Variants in KSR2 observed in about 807,000 individuals in gnomAD.
KSR2 encodes kinase suppressor of ras 2.
Under a neutral mutation model 107.8 loss-of-function variants are expected in KSR2, and 25 were observed. The observed-to-expected ratio is 0.23, with a 90% CI of 0.17 to 0.32. The LOEUF is 0.32. Ranked by LOEUF, KSR2 falls within the 10% of genes least tolerant of loss-of-function variation. KSR2 has a pLI of 1.00. For missense variants in KSR2, 887 were observed against 1,268.9 expected (o/e 0.70, Z 4.57); for synonymous variants, 480 against 507.0 (o/e 0.95, Z 0.71).
chr12:117,663,898 G>T (rs1884541851), intron 5 of KSR2, among the ~76,000 whole-genome samples: 1 of 152,176 alleles, frequency 6.6e-6, no homozygotes, highest in Non-Finnish European at 1.5e-5. Context: ...GAGCACCTAA[G>T]CAAACCACCA....
chr12:117,810,816 G>T (rs1457505458), intron 3 of KSR2, among the ~76,000 whole-genome samples: 1 of 151,990 alleles, frequency 6.6e-6, no homozygotes, highest in Admixed American at 6.6e-5. Flanking sequence ...GTTATTTTTG[G>T]TTCCTTTTAG....
intron 1 of KSR2, among the ~76,000 whole-genome samples, chr12:117,862,306 G>A (rs1400031467): frequency 3.9e-5 from 6 of 152,128 alleles, no homozygotes; most frequent in Non-Finnish European, 5.9e-5. Flanking sequence ...GTATGGAGGT[G>A]TCTGTGGCAT....
At chr12:117,582,208 C>T in intron 6 of KSR2, 82 bp downstream of exon 6, 1 of 1,190,782 alleles carries the variant, frequency 8.4e-7, no homozygotes, top group Non-Finnish European at 1.2e-6. Context: ...CTAGCCTTCT[C>T]TCACCCCAGG....
At chr12:117,663,312 C>T (rs192726988) in intron 5 of KSR2, among the ~76,000 whole-genome samples, 1 of 152,208 alleles carries the variant, frequency 6.6e-6, no homozygotes, top group African/African-American at 2.4e-5. Flanking sequence ...TGCTTAAACT[C>T]TCTCAACCCC....
intron 4 of KSR2, among the ~76,000 whole-genome samples, chr12:117,687,571 C>T (rs1307345802): frequency 2.0e-5 from 3 of 152,102 alleles, no homozygotes; most frequent in East Asian, 1.9e-4. Context: ...CCTGCTCAGC[C>T]GGACTCAGGC....
intron 1 of KSR2, among the ~76,000 whole-genome samples, chr12:117,910,093 T>C (rs1251762930): frequency 6.6e-6 from 1 of 151,850 alleles, no homozygotes; most frequent in Non-Finnish European, 1.5e-5. Context: ...TAGCCAGGCA[T>C]GGTGGTGTGT....
At chr12:117,768,876 A>G (rs1159474262) in intron 3 of KSR2, among the ~76,000 whole-genome samples, 4 of 152,256 alleles carry the variant, frequency 2.6e-5, no homozygotes, top group Non-Finnish European at 5.9e-5. Flanking sequence ...GAGGCCACAG[A>G]GCCTTGTCCA....
chr12:117,725,084 T>TCTCACA (rs1468780403), intron 4 of KSR2, among the ~76,000 whole-genome samples: 1,569 of 121,546 alleles, frequency 0.013, 33 homozygotes, highest in African/African-American at 0.045. Flanking sequence ...TCTCTCTCTC[T>TCTCACA]CACACACACA....
chr12:117,615,963 G>C (rs912861703), intron 5 of KSR2, among the ~76,000 whole-genome samples: 2 of 152,018 alleles, frequency 1.3e-5, no homozygotes. Context: ...GACCACCCTG[G>C]GCAATATGGT....
intron 3 of KSR2, among the ~76,000 whole-genome samples, chr12:117,783,648 C>T (rs1889961654): frequency 6.6e-6 from 1 of 152,226 alleles, no homozygotes; most frequent in African/African-American, 2.4e-5. Flanking sequence ...GGGGAGTCCA[C>T]ATCTGAAGCA....
chr12:117,559,534 A>G (rs1877960260), intron 7 of KSR2, among the ~76,000 whole-genome samples: 1 of 152,180 alleles, frequency 6.6e-6, no homozygotes, highest in African/African-American at 2.4e-5. Flanking sequence ...CCTGACAGAA[A>G]ACCAGGGTCA....
chr12:117,766,209 T>C (rs559548384), intron 3 of KSR2, among the ~76,000 whole-genome samples: 1 of 152,330 alleles, frequency 6.6e-6, no homozygotes, highest in East Asian at 1.9e-4. Context: ...TAATGGAATA[T>C]TATTCACCCA....
chr12:117,599,012 GA>G lies in KSR2; in HGVS notation c.1172-16654del, dbSNP rs1047795482. ...AAGTCCACAAGGGAAGGCGCCACCA[GA>G]AAAAAACAAAGGCATGCTCTCACCT... is the stretch of plus-strand genomic sequence containing the variant. On this transcript the variant is annotated intron_variant, in intron 5 of 19. Coordinates refer to ENST00000339824, the MANE Select transcript of KSR2 (RefSeq NM_173598.6). 2.6e-5 allele frequency among the ~76,000 whole-genome samples: 4 copies of G among 152,026 alleles called. No homozygotes were observed. The South Asian group carries it at 8.3e-4, about 32-fold the overall frequency.
At chr12:117,848,834 AGTG>A (rs71099082) in intron 3 of KSR2, among the ~76,000 whole-genome samples, 73 of 133,834 alleles carry the variant, frequency 5.5e-4, no homozygotes, top group African/African-American at 1.9e-3. Flanking sequence ...TGATGGTGGT[AGTG>A]GTGGTGATGG....
rs10651702 is a variant in KSR2, at chr12:117,968,305, A to AGT, written c.-51_-50insAC. The AGT allele has an allele frequency of 2.7e-6, 3 of 1,112,120 alleles. No homozygotes were observed. The highest frequency in any genetic ancestry group is 1.7e-5 in the African/African-American group (1 of 57,448). The allele number at this position is 1,112,120 out of a possible 1,614,324, so 68.9% of individuals were successfully genotyped here. A position where few individuals can be genotyped will look rare whatever the true frequency, so the allele number is the denominator to read the frequency against. ...CTCCTCCTCCTCCCAGAGAGAAAAAAGAGGGGGGGGAGTAGAGGTAGTCTA... is the reference window on the plus strand; with the variant it reads ...CTCCTCCTCCTCCCAGAGAGAAAAAAGTGAGGGGGGGGAGTAGAGGTAGTCTA... On this transcript the variant is annotated 5_prime_UTR_variant, in exon 1 of 20. Coordinates refer to ENST00000339824, the MANE Select transcript of KSR2 (RefSeq NM_173598.6).
chr12:117,688,566 C>T (rs187567162), intron 4 of KSR2, among the ~76,000 whole-genome samples: 1 of 152,154 alleles, frequency 6.6e-6, no homozygotes, highest in Non-Finnish European at 1.5e-5. Context: ...AGCCAGTGTC[C>T]AATTGGCAGG....
Position 117,780,462 on chromosome 12 carries a change from A to C in KSR2, c.473-18938T>G, listed in dbSNP as rs577347798. Among the ~76,000 whole-genome samples, 4 of 152,340 alleles carry C rather than the reference A, an allele frequency of 2.6e-5. No individual in the cohort carries two copies. In the South Asian group the frequency reaches 6.2e-4, roughly 24 times the overall value. ...GCTAAATGAAATATGCCAGACACAA[A>C]AGGACAAATAGTGTATATTTCCACT... On this transcript the variant is annotated intron_variant, in intron 3 of 19. Transcript: ENST00000339824.
intron 9 of KSR2, among the ~76,000 whole-genome samples, chr12:117,542,711 A>T (rs879364779): frequency 6.6e-6 from 1 of 151,898 alleles, no homozygotes; most frequent in Non-Finnish European, 1.5e-5. Context: ...CTGGTCTCAA[A>T]CTCCTGGACT....
chr12:117,628,796 G>A (rs1009828826), intron 5 of KSR2, among the ~76,000 whole-genome samples: 2 of 152,266 alleles, frequency 1.3e-5, no homozygotes, highest in Non-Finnish European at 2.9e-5. Flanking sequence ...GTTCAGCTAC[G>A]CCCTGCCCAC....
Sources: gnomAD v4.1 joint callset for allele counts (sites outside exome capture counted in the v4.1 genomes callset) on GRCh38, gnomAD v4.1.1 for gene constraint, MANE v1.5 for transcripts, NCBI Gene and HGNC (gene_info 2026-07-23, HGNC 2026-07-21) for gene names.